Variants in SPG7 observed in about 807,000 individuals in gnomAD.
SPG7 encodes the protein SPG7 matrix AAA peptidase subunit, paraplegin.
Under a neutral mutation model 81.9 loss-of-function variants are expected in SPG7, and 103 were observed. That is an observed-to-expected ratio of 1.26 (90% CI 1.07 to 1.48). The LOEUF is 1.48. Among genes scored for constraint, SPG7 ranks in the 40% most tolerant of loss-of-function variants. The pLI, the probability that SPG7 is intolerant of heterozygous loss-of-function variation, is 0.00. For synonymous variants in SPG7, 534 were observed against 444.2 expected, an observed-to-expected ratio of 1.20 and a Z score of -2.54; for missense variants, 1,241 against 1,087.3, an observed-to-expected ratio of 1.14 and a Z score of -1.99.
Position 89,537,791 on chromosome 16 carries a change from G to A in SPG7, c.1324+5155G>A, listed in dbSNP as rs541969113. On this transcript the variant is annotated intron_variant, in intron 9 of 16. Coordinates refer to ENST00000645818, the MANE Select transcript of SPG7 (RefSeq NM_003119.4). ...GTGTCTGGGCAGTGAATGAGGTCCT[G>A]GGAAGCTGGGGTCCTGGTCCTGGTC... 23 of 985,340 alleles carry A rather than the reference G, an allele frequency of 2.3e-5. 1 individual carries two copies. In the Admixed American group the frequency reaches 3.7e-4, roughly 16 times the overall value. 61.0% of individuals were successfully genotyped at this position (985,340 alleles called of 1,614,324 possible). A position where few individuals can be genotyped will look rare whatever the true frequency, so the allele number is the denominator to read the frequency against.
At chr16:89,531,271 C>CCTG (rs1356217735) in intron 7 of SPG7, 1 of 273,928 alleles carries the variant, frequency 3.7e-6, no homozygotes, top group Non-Finnish European at 7.2e-6. Flanking sequence ...CGCCTGTAGT[C>CCTG]CTGGCACCTC....
In SPG7 at chr16:89,523,345, A is replaced by G. The variant is rs74455160; in HGVS notation, c.377-661A>G. ...CATTCTGATGAGTAAAAAGTTCAGAATGGTTGTTGGGTAGGGAGAGAGAAG... is the reference window on the plus strand; with the variant it reads ...CATTCTGATGAGTAAAAAGTTCAGAGTGGTTGTTGGGTAGGGAGAGAGAAG... On this transcript the variant is annotated intron_variant, in intron 3 of 16. Coordinates refer to ENST00000645818, the MANE Select transcript of SPG7 (RefSeq NM_003119.4). 1.5e-5 allele frequency: 4 copies of G among 266,540 alleles called. No individual in the cohort carries two copies. In the Admixed American group the frequency reaches 1.5e-4, roughly 10 times the overall value. 16.5% of individuals were successfully genotyped at this position (266,540 alleles called of 1,614,324 possible).
Position 89,548,001 on chromosome 16 carries a change from A to G in SPG7, c.1553-2A>G, listed in dbSNP as rs1229749476. ...CCACACCGTGGCTGTTTGTGTTGAC[A>G]GGGGCTGACATCGCCAACATCTGCA... On this transcript the variant is annotated splice_acceptor_variant, in intron 11 of 16. Transcript: ENST00000645818. LOFTEE classifies it high-confidence loss of function. The G allele has an allele frequency of 2.5e-6, 4 of 1,611,834 alleles. No homozygotes were observed. The highest frequency in any genetic ancestry group is 2.2e-5 in the East Asian group (1 of 44,868).
At chr16:89,526,974 G>A (rs563723061) in intron 5 of SPG7, 224 of 232,902 alleles carry the variant, frequency 9.6e-4, no homozygotes, top group African/African-American at 5.0e-3. Context: ...CTCAGCCCCC[G>A]ACGTAGGATG....
At chr16:89,523,614 C>A (rs919912362) in intron 3 of SPG7, 8 of 441,214 alleles carry the variant, frequency 1.8e-5, no homozygotes, top group African/African-American at 1.2e-4. Flanking sequence ...CAGGGTCGTT[C>A]TCTGTCACCC....
rs1171590915 is a variant in SPG7 at position 89,557,758 on chromosome 16, G to C, written c.*665G>C. On this transcript the variant is annotated 3_prime_UTR_variant, in exon 17 of 17. Transcript: ENST00000645818. ...ACTTTACTAATAAACTGTGTAGTTG[G>C]AAAATCTACATTTGCATTGTCTGGC... 6.5e-6 allele frequency: 1 copy of C among 153,310 alleles called. No individual in the cohort carries two copies. Among genetic ancestry groups the C allele is most frequent in the African/African-American group, 2.4e-5 (1 of 41,456 alleles). The allele number at this position is 153,310 out of a possible 1,614,324, so 9.5% of individuals were successfully genotyped here.
chr16:89,529,713 A>G, intron 6 of SPG7, 134 bp downstream of exon 6: 1 of 730,926 alleles, frequency 1.4e-6, no homozygotes, highest in Non-Finnish European at 2.5e-6. Flanking sequence ...ATTAGACAGC[A>G]GCTCACCTTC....
At chr16:89,528,548 G>A (rs2058298070) in intron 5 of SPG7, 1 of 152,030 alleles carries the variant, frequency 6.6e-6, no homozygotes, top group African/African-American at 2.4e-5. Context: ...ATGGAGGGTT[G>A]GGGCAGGCCC....
At chr16:89,525,074 C>T (rs905527889) in intron 4 of SPG7, among the ~76,000 whole-genome samples, 1 of 151,708 alleles carries the variant, frequency 6.6e-6, no homozygotes, top group Non-Finnish European at 1.5e-5. Context: ...ATCTACCCAC[C>T]TCAGCCTCCC....
chr16:89,537,312 G>C, intron 9 of SPG7: 1 of 1,248,956 alleles, frequency 8.0e-7, no homozygotes, highest in Non-Finnish European at 1.0e-6. Context: ...AAGTCAAAGA[G>C]CACTGGAGGC....
chr16:89,540,945 G>T (rs2058486948), intron 9 of SPG7: 1 of 985,514 alleles, frequency 1.0e-6, no homozygotes, highest in Middle Eastern at 5.2e-4. Context: ...TTATCACAGT[G>T]TTCTACGCAG....
chr16:89,549,018 G>GC (rs1567930568), intron 12 of SPG7: 2 of 456,158 alleles, frequency 4.4e-6, no homozygotes, highest in Admixed American at 4.7e-5. Context: ...GTGGGTTCCT[G>GC]CAGAGGAGTG....
intron 4 of SPG7, among the ~76,000 whole-genome samples, chr16:89,525,456 G>GA (rs1447153503): frequency 7.2e-5 from 11 of 152,308 alleles, no homozygotes; most frequent in Admixed American, 3.3e-4. Context: ...GCCTTAAAGA[G>GA]AAAATGCTCA....
At chr16:89,531,154 CACTT>C (rs2152402973) in intron 7 of SPG7, 1 of 404,412 alleles carries the variant, frequency 2.5e-6, no homozygotes, top group Non-Finnish European at 4.7e-6. Flanking sequence ...TCACGTGCGT[CACTT>C]ACACGTTTCC....
intron 3 of SPG7, chr16:89,523,610 C>T (rs974378997): frequency 3.2e-5 from 14 of 439,592 alleles, no homozygotes; most frequent in Middle Eastern, 7.3e-4. Context: ...GAGACAGGGT[C>T]GTTCTCTGTC....
intron 3 of SPG7, 58 bp downstream of exon 3, chr16:89,513,095 G>A (rs2058044294): frequency 1.3e-6 from 2 of 1,549,910 alleles, no homozygotes; most frequent in South Asian, 1.2e-5. Context: ...TTACATTTCT[G>A]TTTTCCTTTT....
chr16:89,522,717 G>A (rs8059968), intron 3 of SPG7: 68,335 of 152,566 alleles, frequency 0.45, 15,681 homozygotes, highest in East Asian at 0.67. Context: ...GGGGGTTTGA[G>A]GGAAGACTGT....
In SPG7 at chr16:89,532,327, C is replaced by T. The variant is rs572101010; in HGVS notation, c.1151-136C>T. On this transcript the variant is annotated intron_variant, in intron 8 of 16. Coordinates refer to ENST00000645818, the MANE Select transcript of SPG7 (RefSeq NM_003119.4). ...GGCCAGGGGCCCCCGCGAGCAGCTG[C>T]CGTGTGTCTGTTTGTAGGGAATGGA... 3.5e-6 allele frequency: 4 copies of T among 1,157,886 alleles called. No homozygotes were observed. In the African/African-American group the frequency reaches 4.6e-5, roughly 13 times the overall value. 71.7% of individuals were successfully genotyped at this position (1,157,886 alleles called of 1,614,324 possible). A position where few individuals can be genotyped will look rare whatever the true frequency, so the allele number is the denominator to read the frequency against.
chr16:89,537,551 A>C, intron 9 of SPG7: 1 of 991,744 alleles, frequency 1.0e-6, no homozygotes, highest in Non-Finnish European at 1.2e-6. Flanking sequence ...TTTTCTTCAG[A>C]GACAGGGTGT....
Sources: allele counts gnomAD v4.1 joint callset (sites outside exome capture counted in the v4.1 genomes callset), GRCh38; gene constraint gnomAD v4.1.1; transcripts MANE v1.5; gene names NCBI Gene and HGNC (gene_info 2026-07-23, HGNC 2026-07-21).